ATG10: variants seen among roughly 807,000 people sequenced by gnomAD.
The protein encoded by ATG10 is autophagy related 10, also known as ubiquitin-like-conjugating enzyme ATG10.
Under a neutral mutation model 32.1 loss-of-function variants are expected in ATG10, and 30 were observed. The observed-to-expected ratio is 0.94, with a 90% CI of 0.70 to 1.27. The LOEUF is 1.27. ATG10 is among the 50% of genes most tolerant of loss of function. The probability of loss-of-function intolerance (pLI) is 0.00; values close to 1 mark genes in which losing one functional copy is unlikely to be tolerated. For missense variants in ATG10, 233 were observed against 262.3 expected, an observed-to-expected ratio of 0.89 and a Z score of 0.77; for synonymous variants, 87 against 91.5, an observed-to-expected ratio of 0.95 and a Z score of 0.28.
At chr5:82,213,438 G>A (rs1483370983) in intron 5 of ATG10, among the ~76,000 whole-genome samples, 2 of 152,186 alleles carry the variant, frequency 1.3e-5, no homozygotes, top group African/African-American at 4.8e-5. Flanking sequence ...AGAATGCTAA[G>A]CAAACTCTTG....
intron 5 of ATG10, among the ~76,000 whole-genome samples, chr5:82,230,786 A>G (rs1746338053): frequency 6.6e-6 from 1 of 151,612 alleles, no homozygotes; most frequent in African/African-American, 2.4e-5. Context: ...TAAATGTCTA[A>G]CCATGGAATG....
intron 5 of ATG10, among the ~76,000 whole-genome samples, chr5:82,237,860 G>T (rs1465209016): frequency 6.6e-6 from 1 of 152,146 alleles, no homozygotes; most frequent in African/African-American, 2.4e-5. Context: ...TTTGACTCAA[G>T]ATCTCTCATA....
chr5:82,016,078 A>AGGG (rs1345224408), intron 2 of ATG10, among the ~76,000 whole-genome samples: 1 of 152,152 alleles, frequency 6.6e-6, no homozygotes, highest in Non-Finnish European at 1.5e-5. Context: ...GCTGTGCATA[A>AGGG]GCTTTTTAAA....
At chr5:82,165,523 A>G (rs1743539579) in intron 4 of ATG10, among the ~76,000 whole-genome samples, 1 of 152,240 alleles carries the variant, frequency 6.6e-6, no homozygotes, top group Non-Finnish European at 1.5e-5. Context: ...ACAAGAAGAA[A>G]TTCTCATAGA....
At chr5:82,013,539 A>T (rs986172512) in intron 2 of ATG10, among the ~76,000 whole-genome samples, 4 of 152,186 alleles carry the variant, frequency 2.6e-5, no homozygotes, top group Non-Finnish European at 4.4e-5. Context: ...AGGTTGCTGC[A>T]TCAAATGGTA....
At position 82,021,953 on chromosome 5, in the gene ATG10, G is replaced by A. The variant is rs535455344; in HGVS notation, c.108+34275G>A. Among the ~76,000 whole-genome samples, 7 of 151,558 alleles carry A rather than the reference G, an allele frequency of 4.6e-5. No homozygotes were observed. In the South Asian group the frequency reaches 1.5e-3, roughly 32 times the overall value. On this transcript the variant is annotated intron_variant, in intron 2 of 7. Transcript: ENST00000282185. ...CAGGAGAATCGCTTGAACTCAGGAG[G>A]CAGAGGTTGCAGTGAACCGAGATCA...
Position 82,255,787 on chromosome 5 carries a change from G to A in ATG10, c.*1724G>A, listed in dbSNP as rs1561382712. 6.6e-6 allele frequency: 1 copy of A among 152,208 alleles called. No individual in the cohort carries two copies. The highest frequency in any genetic ancestry group is 2.4e-5 in the African/African-American group (1 of 41,438). 9.4% of individuals were successfully genotyped at this position (152,208 alleles called of 1,614,324 possible). On this transcript the variant is annotated 3_prime_UTR_variant, in exon 8 of 8. Coordinates refer to ENST00000282185, the MANE Select transcript of ATG10 (RefSeq NM_031482.5). ...ACTTGTAGGAAACTGCTTCAGGTGA[G>A]GACATCATTCACCAGTGGATCACCG...
At chr5:82,189,159 C>T (rs1215264309) in intron 5 of ATG10, among the ~76,000 whole-genome samples, 1 of 152,130 alleles carries the variant, frequency 6.6e-6, no homozygotes, top group Non-Finnish European at 1.5e-5. Context: ...CATACATTCT[C>T]ATATGCTAAT....
intron 2 of ATG10, among the ~76,000 whole-genome samples, chr5:82,005,670 G>T (rs1006311471): frequency 6.6e-6 from 1 of 152,068 alleles, no homozygotes; most frequent in Non-Finnish European, 1.5e-5. Flanking sequence ...TTTGATTTTT[G>T]TGTTTCAGTT....
chr5:82,097,526 C>T (rs566967451), intron 3 of ATG10, among the ~76,000 whole-genome samples: 9 of 152,226 alleles, frequency 5.9e-5, no homozygotes, highest in African/African-American at 9.6e-5. Context: ...TGTTTAAAAA[C>T]GAAACCCAAA....
intron 5 of ATG10, among the ~76,000 whole-genome samples, chr5:82,229,042 A>G (rs1746244968): frequency 6.6e-6 from 1 of 152,378 alleles, no homozygotes; most frequent in East Asian, 1.9e-4. Context: ...AGAGAAGGTC[A>G]GTGTATAAAA....
rs2115467 is a variant in ATG10 at position 82,255,658 on chromosome 5, A to G, written c.*1595A>G. On this transcript the variant is annotated 3_prime_UTR_variant, in exon 8 of 8. Transcript: ENST00000282185. ...TGATTTGTATTGTTTTGCTCTACTG[A>G]CAGGCCTTTTCCAATCCATACAAGC... 0.42 allele frequency: 63,458 copies of G among 152,060 alleles called. 15,362 individuals are homozygous for G. Among genetic ancestry groups the G allele is most frequent in the East Asian group, 0.91 (4,677 of 5,152 alleles). The allele number at this position is 152,060 out of a possible 1,614,324, so 9.4% of individuals were successfully genotyped here.
chr5:82,001,802 C>G (rs1761855897), intron 2 of ATG10, among the ~76,000 whole-genome samples: 1 of 152,082 alleles, frequency 6.6e-6, no homozygotes, highest in South Asian at 2.1e-4. Flanking sequence ...ACTAATTAAA[C>G]AAGAGTTTCT....
At chr5:82,073,630 A>G (rs1382916087) in intron 3 of ATG10, 2 of 152,198 alleles carry the variant, frequency 1.3e-5, no homozygotes, top group East Asian at 3.8e-4. Context: ...GTATGTAAGC[A>G]TGTATGGGTG....
At chr5:82,175,492 TG>T (rs1330407667) in intron 4 of ATG10, among the ~76,000 whole-genome samples, 3 of 152,154 alleles carry the variant, frequency 2.0e-5, no homozygotes, top group Non-Finnish European at 4.4e-5. Flanking sequence ...TTGATTGAGG[TG>T]ATGATTGCAC....
intron 5 of ATG10, among the ~76,000 whole-genome samples, chr5:82,209,555 AG>A (rs1745421005): frequency 6.6e-6 from 1 of 152,182 alleles, no homozygotes; most frequent in African/African-American, 2.4e-5. Flanking sequence ...TGGACTTTCC[AG>A]GTTCTAGAAG....
At chr5:82,180,767 C>A (rs1004050120) in intron 5 of ATG10, among the ~76,000 whole-genome samples, 1 of 152,138 alleles carries the variant, frequency 6.6e-6, no homozygotes, top group East Asian at 1.9e-4. Context: ...CTCTTGAATC[C>A]AGTTCTTACC....
intron 3 of ATG10, among the ~76,000 whole-genome samples, chr5:82,059,552 T>G (rs1254460862): frequency 1.3e-5 from 2 of 152,096 alleles, no homozygotes; most frequent in Non-Finnish European, 2.9e-5. Context: ...TGAAATAAAA[T>G]ACTTGAATTT....
rs370719727 is a variant in ATG10, at chr5:82,005,464, T to G, written c.108+17786T>G. On this transcript the variant is annotated intron_variant, in intron 2 of 7. Transcript: ENST00000282185. ...CATCCACCACCACGCCCAGCTAGTTTTTATATTTTTAATAGAGACGGGGTT... is the reference window on the plus strand; with the variant it reads ...CATCCACCACCACGCCCAGCTAGTTGTTATATTTTTAATAGAGACGGGGTT... 3.3e-5 allele frequency among the ~76,000 whole-genome samples: 5 copies of G among 152,060 alleles called. No homozygotes were observed. The East Asian group carries it at 5.8e-4, about 18-fold the overall frequency.
Sources: allele counts gnomAD v4.1 joint callset (sites outside exome capture counted in the v4.1 genomes callset), GRCh38; gene constraint gnomAD v4.1.1; transcripts MANE v1.5; gene names NCBI Gene and HGNC (gene_info 2026-07-23, HGNC 2026-07-21).